PARD3B: variants seen among roughly 807,000 people sequenced by gnomAD.
The protein encoded by PARD3B is partitioning defective 3 homolog B.
Under a neutral mutation model 130.2 loss-of-function variants are expected in PARD3B, and 103 were observed. The ratio of observed to expected loss-of-function variants is 0.79; its 90% confidence interval spans 0.67 to 0.93. The LOEUF (loss-of-function observed/expected upper bound fraction) is 0.93, where lower values mean the gene tolerates loss of function less well. Among genes scored for constraint, PARD3B ranks in the 40% least tolerant of loss-of-function variants. PARD3B has a pLI of 0.00. For synonymous variants in PARD3B, 583 were observed against 553.2 expected (o/e 1.05, Z -0.76); for missense variants, 1,609 against 1,499.2 (o/e 1.07, Z -1.21).
chr2:204,586,894 A>G (rs1021570352), intron 1 of PARD3B, among the ~76,000 whole-genome samples: 1 of 152,352 alleles, frequency 6.6e-6, no homozygotes, highest in South Asian at 2.1e-4. Context: ...CCTGCTGAAC[A>G]TGGCATGTTC....
intron 2 of PARD3B, among the ~76,000 whole-genome samples, chr2:204,837,327 T>C (rs903055033): frequency 6.6e-6 from 1 of 152,168 alleles, no homozygotes; most frequent in African/African-American, 2.4e-5. Flanking sequence ...ATGCATTTAG[T>C]TTACCATTTT....
At chr2:204,597,244 A>C (rs1253752705) in intron 1 of PARD3B, among the ~76,000 whole-genome samples, 2 of 150,692 alleles carry the variant, frequency 1.3e-5, no homozygotes, top group Admixed American at 1.3e-4. Context: ...CTTATGTGGC[A>C]GGAGCCGATG....
In PARD3B at chr2:205,300,690, A is replaced by G. The variant is rs765977153; in HGVS notation, c.2346A>G (p.Arg782=). The G allele has an allele frequency of 5.0e-6, 8 of 1,613,958 alleles. No individual in the cohort carries two copies. The South Asian group carries it at 7.7e-5, about 16-fold the overall frequency. The change falls in exon 17 of 23, where the codon AGA becomes AGG. Residue 782 remains arginine, a synonymous_variant. Coordinates refer to ENST00000406610, the MANE Select transcript of PARD3B (RefSeq NM_001302769.2). This position sits in a 1 kb window ranked among gnomAD's most constrained non-coding sequence, Gnocchi z 4.1. The part of the protein sequence containing the change: ...VRGRGCNESF[R]AAIDKSYDGP... ...GCCGAGGCTGCAATGAGAGCTTTAG[A>G]GCAGCCATTGACAAATCCTACGATG... is the stretch of plus-strand genomic sequence containing the variant.
At chr2:205,139,678 T>C (rs1178848076) in intron 10 of PARD3B, among the ~76,000 whole-genome samples, 2 of 152,140 alleles carry the variant, frequency 1.3e-5, no homozygotes, top group African/African-American at 2.4e-5. Context: ...CATAAAGAGA[T>C]AGAAGTGTAC....
chr2:205,403,344 A>C (rs2046316526), intron 19 of PARD3B, among the ~76,000 whole-genome samples: 1 of 152,166 alleles, frequency 6.6e-6, no homozygotes, highest in African/African-American at 2.4e-5. Flanking sequence ...CAATTGTTAA[A>C]CTTTCAAGAA....
At chr2:205,426,811 C>A (rs1429514168) in intron 19 of PARD3B, among the ~76,000 whole-genome samples, 1 of 152,122 alleles carries the variant, frequency 6.6e-6, no homozygotes, top group Non-Finnish European at 1.5e-5. Context: ...AATCAATAAT[C>A]ATTTAATGAA....
Position 204,799,546 on chromosome 2 carries a change from T to C in PARD3B, c.222+113264T>C, listed in dbSNP as rs1046115031. 1.3e-5 allele frequency among the ~76,000 whole-genome samples: 2 copies of C among 152,178 alleles called. No homozygotes were observed. Among genetic ancestry groups the C allele is most frequent in the Non-Finnish European group, 2.9e-5 (2 of 68,042 alleles). Reference sequence around the variant, plus strand: ...ACATTCACAGCCAGACAGTGGTCACTGTGGGTCTTTGGAGAGACCCAGTGC... The same window carrying C: ...ACATTCACAGCCAGACAGTGGTCACCGTGGGTCTTTGGAGAGACCCAGTGC... On this transcript the variant is annotated intron_variant, in intron 2 of 22. Transcript: ENST00000406610. The surrounding 1 kb of genome is among the most constrained non-coding windows in gnomAD (Gnocchi z 4.1).
intron 2 of PARD3B, among the ~76,000 whole-genome samples, chr2:204,747,191 C>T (rs887513339): frequency 2.6e-5 from 4 of 152,090 alleles, no homozygotes; most frequent in Admixed American, 1.3e-4. Flanking sequence ...CAGCTTTCTC[C>T]ACATGGCTGG....
chr2:205,374,395 C>T (rs757273538), intron 18 of PARD3B, among the ~76,000 whole-genome samples: 4 of 152,002 alleles, frequency 2.6e-5, no homozygotes, highest in Non-Finnish European at 5.9e-5. Context: ...GGCCACCATG[C>T]CCAGCTAATC....
At chr2:204,705,542 C>G (rs2038100521) in intron 2 of PARD3B, among the ~76,000 whole-genome samples, 1 of 150,282 alleles carries the variant, frequency 6.7e-6, no homozygotes, top group South Asian at 2.1e-4. Flanking sequence ...ATTTCCATAG[C>G]ATGAAGTACT....
At chr2:204,569,326 C>G (rs11885318) in intron 1 of PARD3B, among the ~76,000 whole-genome samples, 4,071 of 152,248 alleles carry the variant, frequency 0.027, 196 homozygotes, top group African/African-American at 0.091. Context: ...GATTTAGATG[C>G]TATATGAAAC....
chr2:205,273,090 G>C (rs1487130288), intron 16 of PARD3B, among the ~76,000 whole-genome samples: 3 of 152,168 alleles, frequency 2.0e-5, no homozygotes, highest in African/African-American at 7.2e-5. Flanking sequence ...TGTAGACATT[G>C]AAAATTATCT....
chr2:204,607,311 A>G (rs562878952), intron 1 of PARD3B, among the ~76,000 whole-genome samples: 1 of 152,296 alleles, frequency 6.6e-6, no homozygotes, highest in South Asian at 2.1e-4. Flanking sequence ...AATCCTTATG[A>G]AGGATCAGTA....
intron 2 of PARD3B, among the ~76,000 whole-genome samples, chr2:204,910,678 A>C (rs940085469): frequency 2.6e-5 from 4 of 152,104 alleles, no homozygotes; most frequent in Non-Finnish European, 4.4e-5. Flanking sequence ...CTCCCTCTGT[A>C]GCCTAGGCTG....
intron 2 of PARD3B, among the ~76,000 whole-genome samples, chr2:204,909,075 T>A (rs569111731): frequency 1.3e-5 from 2 of 152,234 alleles, no homozygotes; most frequent in Non-Finnish European, 2.9e-5. Context: ...AGTTTAGGGA[T>A]CTTAAGCATC....
intron 2 of PARD3B, among the ~76,000 whole-genome samples, chr2:204,925,929 C>T (rs182022792): frequency 6.8e-4 from 104 of 152,160 alleles, no homozygotes; most frequent in African/African-American, 2.4e-3. Flanking sequence ...GCTCCTCACT[C>T]CTTTCTTTCC....
intron 3 of PARD3B, among the ~76,000 whole-genome samples, chr2:205,031,779 GT>G (rs1697445358): frequency 6.6e-6 from 1 of 152,164 alleles, no homozygotes. Flanking sequence ...AAGTTAATAA[GT>G]AGCTCAGATT....
At position 205,037,006 on chromosome 2, in the gene PARD3B, T is replaced by C. The variant is rs368902241; in HGVS notation, c.395-10575T>C. Among the ~76,000 whole-genome samples, 53 of 150,336 alleles carry C rather than the reference T, an allele frequency of 3.5e-4. 1 individual carries two copies. The South Asian group carries it at 0.011, about 31-fold the overall frequency. ...AAAAACATATATAGCGGACTGTATATATAAAAAATATATACATATATAGCG... is the reference window on the plus strand; with the variant it reads ...AAAAACATATATAGCGGACTGTATACATAAAAAATATATACATATATAGCG... On this transcript the variant is annotated intron_variant, in intron 3 of 22. Coordinates refer to ENST00000406610, the MANE Select transcript of PARD3B (RefSeq NM_001302769.2).
At chr2:205,208,429 G>T (rs1363899667) in intron 15 of PARD3B, among the ~76,000 whole-genome samples, 3 of 143,652 alleles carry the variant, frequency 2.1e-5, no homozygotes, top group Admixed American at 1.4e-4. Flanking sequence ...AAGTCAAATT[G>T]TCCCTGTTTG....
Sources: allele counts gnomAD v4.1 joint callset (sites outside exome capture counted in the v4.1 genomes callset), GRCh38; gene constraint gnomAD v4.1.1; non-coding constraint Gnocchi (gnomAD v3.1); transcripts MANE v1.5; gene names NCBI Gene and HGNC (gene_info 2026-07-23, HGNC 2026-07-21).